Variants in GKAP1 observed in about 807,000 individuals in gnomAD.
The protein encoded by GKAP1 is G kinase-anchoring protein 1.
GKAP1 carries 31 observed loss-of-function variants against 56.7 expected under a neutral mutation model. That is an observed-to-expected ratio of 0.55 (90% CI 0.41 to 0.74). The LOEUF is 0.74. Ranked by LOEUF, GKAP1 falls within the 30% of genes least tolerant of loss-of-function variation. The pLI is 0.00. For missense variants in GKAP1, 364 were observed against 402.3 expected (o/e 0.90, Z 0.82); for synonymous variants, 151 against 138.6 (o/e 1.09, Z -0.63).
chr9:83,750,560 G>A (rs774128077), intron 9 of GKAP1, among the ~76,000 whole-genome samples: 5 of 152,068 alleles, frequency 3.3e-5, no homozygotes, highest in Admixed American at 2.0e-4. Flanking sequence ...CAGCAGCTGC[G>A]TCATTTTACA....
intron 7 of GKAP1, among the ~76,000 whole-genome samples, chr9:83,774,341 C>T (rs1206950108): frequency 6.6e-6 from 1 of 151,844 alleles, no homozygotes; most frequent in Non-Finnish European, 1.5e-5. Context: ...GTGGCTCACG[C>T]CTGTAGTCCC....
intron 7 of GKAP1, 145 bp downstream of exon 7, chr9:83,780,237 C>T: frequency 1.9e-6 from 1 of 516,492 alleles, no homozygotes; most frequent in Non-Finnish European, 3.5e-6. Context: ...TATATAATGG[C>T]AGAAACATGA....
intron 2 of GKAP1, among the ~76,000 whole-genome samples, chr9:83,811,655 T>G (rs991083967): frequency 1.1e-4 from 17 of 152,112 alleles, no homozygotes; most frequent in Admixed American, 3.3e-4. Context: ...TGTCAGAAGG[T>G]TACTTCTGAA....
intron 8 of GKAP1, among the ~76,000 whole-genome samples, chr9:83,755,017 G>T (rs1471676994): frequency 2.6e-5 from 4 of 152,168 alleles, no homozygotes. Flanking sequence ...AGCATTTGAT[G>T]AAAGGTTTAA....
At chr9:83,754,687 A>G (rs1352700862) in intron 8 of GKAP1, among the ~76,000 whole-genome samples, 1 of 152,256 alleles carries the variant, frequency 6.6e-6, no homozygotes, top group East Asian at 1.9e-4. Context: ...AGATGGTACA[A>G]GATGACTTTG....
chr9:83,800,191 A>G (rs1944308292), intron 3 of GKAP1, among the ~76,000 whole-genome samples: 1 of 152,092 alleles, frequency 6.6e-6, no homozygotes, highest in Non-Finnish European at 1.5e-5. Context: ...CGAGAGAAAA[A>G]TACTGAGAGG....
At chr9:83,776,998 G>T (rs1461688872) in intron 7 of GKAP1, among the ~76,000 whole-genome samples, 1 of 152,158 alleles carries the variant, frequency 6.6e-6, no homozygotes, top group African/African-American at 2.4e-5. Context: ...TTGTTCCCTG[G>T]TTCCTTTCTT....
chr9:83,744,318 T>A (rs1318780737), intron 10 of GKAP1, among the ~76,000 whole-genome samples: 1 of 152,196 alleles, frequency 6.6e-6, no homozygotes, highest in Non-Finnish European at 1.5e-5. Context: ...TTCAATACAC[T>A]TATGTACAAT....
chr9:83,788,751 C>A, intron 4 of GKAP1, 73 bp from the exon 5 acceptor site: 1 of 834,388 alleles, frequency 1.2e-6, no homozygotes, highest in Non-Finnish European at 1.9e-6. Context: ...ATACATATTA[C>A]TATATACAGA....
At chr9:83,810,034 A>G (rs552778875) in intron 2 of GKAP1, among the ~76,000 whole-genome samples, 20 of 151,888 alleles carry the variant, frequency 1.3e-4, no homozygotes, top group Admixed American at 1.0e-3. Flanking sequence ...CTGGTCTCCA[A>G]CTCCTGGGCT....
chr9:83,742,560 T>A lies in GKAP1; in HGVS notation c.945A>T (p.Ser315=). The A allele has an allele frequency of 6.2e-7, 1 of 1,612,766 alleles. No individual in the cohort carries two copies. The highest frequency in any genetic ancestry group is 8.5e-7 in the Non-Finnish European group (1 of 1,179,474). Residue 315 remains serine (S), a synonymous_variant, in exon 11 of 13, where the codon TCA becomes TCT. Coordinates refer to ENST00000376371, the MANE Select transcript of GKAP1 (RefSeq NM_025211.4). ...KAEILLQVDE[S]QSIKNELTIQ... Reference sequence around the variant, plus strand: ...TAGTGAGCTCATTCTTGATACTTTGTGATTCATCAACTTGCAGAAGTATTT... The same window carrying A: ...TAGTGAGCTCATTCTTGATACTTTGAGATTCATCAACTTGCAGAAGTATTT...
intron 3 of GKAP1, 66 bp from the exon 4 acceptor site, chr9:83,799,394 A>T: frequency 8.6e-7 from 1 of 1,163,314 alleles, no homozygotes; most frequent in Admixed American, 2.6e-5. Flanking sequence ...TGATTTTTTT[A>T]ATTAAAAAAA....
intron 7 of GKAP1, among the ~76,000 whole-genome samples, chr9:83,776,936 A>AATT (rs1203599769): frequency 1.3e-5 from 2 of 152,244 alleles, no homozygotes; most frequent in African/African-American, 4.8e-5. Flanking sequence ...ATTAGTGCTA[A>AATT]AGCACAGTGC....
chr9:83,762,802 G>C (rs372576655), intron 8 of GKAP1, among the ~76,000 whole-genome samples: 1 of 152,194 alleles, frequency 6.6e-6, no homozygotes, highest in African/African-American at 2.4e-5. Flanking sequence ...CTGGGGAAAA[G>C]ACAGTCTCTT....
intron 10 of GKAP1, among the ~76,000 whole-genome samples, chr9:83,746,191 C>T (rs182577552): frequency 1.2e-3 from 182 of 152,274 alleles, no homozygotes; most frequent in African/African-American, 4.2e-3. Context: ...TTCAACTGGA[C>T]ATGATTTCTG....
At position 83,741,353 on chromosome 9, in the gene GKAP1, A is replaced by G. The variant is rs972275462; in HGVS notation, c.1053+599T>C. Among the ~76,000 whole-genome samples the G allele has an allele frequency of 2.0e-3, 173 of 87,456 alleles. 1 individual carries two copies. The highest frequency in any genetic ancestry group is 2.7e-3 in the Non-Finnish European group (103 of 38,186). 57.4% of individuals were successfully genotyped at this position (87,456 alleles called of 152,430 possible). ...CACATATATATACACACACATAAAT[A>G]TATCTCTCACACACACACACACACA... On this transcript the variant is annotated intron_variant, in intron 12 of 12. Coordinates refer to ENST00000376371, the MANE Select transcript of GKAP1 (RefSeq NM_025211.4).
At chr9:83,753,687 T>C (rs1489040953) in intron 8 of GKAP1, among the ~76,000 whole-genome samples, 2 of 152,092 alleles carry the variant, frequency 1.3e-5, no homozygotes, top group Admixed American at 1.3e-4. Context: ...ATTCAAAAAA[T>C]GACTACAAAT....
intron 3 of GKAP1, among the ~76,000 whole-genome samples, chr9:83,804,414 G>A (rs1262079612): frequency 9.5e-5 from 12 of 126,218 alleles, no homozygotes; most frequent in Admixed American, 3.1e-4. Flanking sequence ...TCAGCCCCCC[G>A]CCCGGCCAGC....
intron 2 of GKAP1, among the ~76,000 whole-genome samples, chr9:83,814,365 T>C (rs1944553526): frequency 6.6e-6 from 1 of 152,234 alleles, no homozygotes; most frequent in South Asian, 2.1e-4. Flanking sequence ...GCCATCTATC[T>C]CTTCCACTGA....
Sources: gnomAD v4.1 joint callset for allele counts (sites outside exome capture counted in the v4.1 genomes callset) on GRCh38, gnomAD v4.1.1 for gene constraint, MANE v1.5 for transcripts, NCBI Gene and HGNC (gene_info 2026-07-23, HGNC 2026-07-21) for gene names.